The following CSMD1 variants were observed in gnomAD, a reference collection of about 807,000 sequenced individuals.
The protein encoded by CSMD1 is CUB and sushi domain-containing protein 1.
A neutral mutation model predicts 417.5 loss-of-function variants in CSMD1; 213 were observed. The observed-to-expected ratio is 0.51, with a 90% CI of 0.46 to 0.57. The LOEUF is 0.57. Among genes scored for constraint, CSMD1 ranks in the 20% least tolerant of loss-of-function variants. The pLI is 0.00. For synonymous variants in CSMD1, 2,862 were observed against 1,736.8 expected, an observed-to-expected ratio of 1.65 and a Z score of -16.11; for missense variants, 6,923 against 4,529.7, an observed-to-expected ratio of 1.53 and a Z score of -15.17.
intron 22 of CSMD1, among the ~76,000 whole-genome samples, chr8:3,347,313 G>A (rs1267176014): frequency 1.3e-5 from 2 of 152,178 alleles, no homozygotes; most frequent in Non-Finnish European, 2.9e-5. Context: ...AATACTTACA[G>A]GAGAGGTGAA....
intron 11 of CSMD1, among the ~76,000 whole-genome samples, chr8:3,473,362 A>T (rs1303502221): frequency 6.6e-6 from 1 of 152,212 alleles, no homozygotes; most frequent in African/African-American, 2.4e-5. Context: ...AAGAACTGTA[A>T]TTACAGCTTA....
At chr8:3,465,831 T>G (rs2117174789) in intron 12 of CSMD1, among the ~76,000 whole-genome samples, 1 of 152,226 alleles carries the variant, frequency 6.6e-6, no homozygotes, top group African/African-American at 2.4e-5. Context: ...TTGTCTAGGG[T>G]TTGTAGTCTG....
chr8:3,228,467 C>T (rs781682478), intron 27 of CSMD1, among the ~76,000 whole-genome samples: 1 of 152,206 alleles, frequency 6.6e-6, no homozygotes, highest in South Asian at 2.1e-4. Context: ...GGTCTGGTTG[C>T]CAAAATAATT....
intron 2 of CSMD1, among the ~76,000 whole-genome samples, chr8:4,466,144 A>C (rs187062713): frequency 6.6e-6 from 1 of 152,174 alleles, no homozygotes; most frequent in Non-Finnish European, 1.5e-5. Context: ...AGAATGAAAT[A>C]TTGTGAGAGA....
intron 10 of CSMD1, among the ~76,000 whole-genome samples, chr8:3,540,842 G>T (rs540268989): frequency 6.6e-6 from 1 of 152,118 alleles, no homozygotes; most frequent in Non-Finnish European, 1.5e-5. Flanking sequence ...ATCATTTCAT[G>T]CCAGTCAGAT....
At chr8:4,710,504 A>T (rs911194595) in intron 1 of CSMD1, among the ~76,000 whole-genome samples, 1 of 148,730 alleles carries the variant, frequency 6.7e-6, no homozygotes, top group Non-Finnish European at 1.5e-5. Flanking sequence ...CTCTCAAATT[A>T]CATTGAGTAA....
intron 12 of CSMD1, among the ~76,000 whole-genome samples, chr8:3,413,363 A>G (rs1456260727): frequency 6.6e-6 from 1 of 152,152 alleles, no homozygotes; most frequent in Non-Finnish European, 1.5e-5. Flanking sequence ...CATGCTGAGG[A>G]TCAAGAGAGA....
intron 5 of CSMD1, among the ~76,000 whole-genome samples, chr8:3,888,141 A>C (rs181713448): frequency 3.3e-5 from 5 of 152,200 alleles, no homozygotes; most frequent in Non-Finnish European, 4.4e-5. Context: ...GATAACTAAC[A>C]TCATTTGTAT....
chr8:3,929,251 T>C (rs994072814), intron 5 of CSMD1, among the ~76,000 whole-genome samples: 3 of 150,552 alleles, frequency 2.0e-5, no homozygotes, highest in East Asian at 1.9e-4. Flanking sequence ...TATACACATA[T>C]GGACAGGATG....
chr8:3,819,447 G>A (rs1347294070), intron 5 of CSMD1, among the ~76,000 whole-genome samples: 6 of 152,128 alleles, frequency 3.9e-5, no homozygotes, highest in Middle Eastern at 3.4e-3. Context: ...GAAGCTAGAA[G>A]TGCTTCCAAC....
rs577898265 is a variant in CSMD1, at chr8:3,075,159, C to T, written c.7474+11938G>A. Among the ~76,000 whole-genome samples, 13 of 152,300 alleles carry T rather than the reference C, an allele frequency of 8.5e-5. No individual in the cohort carries two copies. The South Asian group carries it at 2.7e-3, about 32-fold the overall frequency. Reference sequence around the variant, plus strand: ...CATGATTAGAAGTTTCCTGAGGCCTCCCCAGAAGCAGATGCTGCCATACTT... The same window carrying T: ...CATGATTAGAAGTTTCCTGAGGCCTTCCCAGAAGCAGATGCTGCCATACTT... On this transcript the variant is annotated intron_variant, in intron 49 of 69. Coordinates refer to ENST00000635120, the MANE Select transcript of CSMD1 (RefSeq NM_033225.6).
At chr8:4,520,931 T>C (rs1803411781) in intron 2 of CSMD1, among the ~76,000 whole-genome samples, 1 of 152,174 alleles carries the variant, frequency 6.6e-6, no homozygotes, top group Non-Finnish European at 1.5e-5. Context: ...TTATTAAAAT[T>C]AGTCATATCA....
chr8:3,013,305 G>T (rs76089697), intron 52 of CSMD1, among the ~76,000 whole-genome samples: 12,869 of 152,126 alleles, frequency 0.085, 596 homozygotes, highest in African/African-American at 0.13. Context: ...TGTCAGCATG[G>T]TCTTCATGCT....
At chr8:3,224,458 A>T (rs1296302013) in intron 27 of CSMD1, among the ~76,000 whole-genome samples, 1 of 152,206 alleles carries the variant, frequency 6.6e-6, no homozygotes, top group African/African-American at 2.4e-5. Context: ...GGCATTTCAC[A>T]TTCTCCCAGT....
chr8:4,730,037 G>A (rs1225607682), intron 1 of CSMD1, among the ~76,000 whole-genome samples: 3 of 152,074 alleles, frequency 2.0e-5, no homozygotes, highest in African/African-American at 7.2e-5. Context: ...CCATGTTAAT[G>A]TTTTAACTCC....
intron 30 of CSMD1, among the ~76,000 whole-genome samples, chr8:3,206,688 G>A (rs1563142475): frequency 6.7e-6 from 1 of 149,794 alleles, no homozygotes; most frequent in South Asian, 2.2e-4. Context: ...GTGTGTATAT[G>A]TGTGTGTGGG....
intron 3 of CSMD1, among the ~76,000 whole-genome samples, chr8:4,178,419 T>C (rs1310538778): frequency 6.6e-6 from 1 of 151,086 alleles, no homozygotes; most frequent in Non-Finnish European, 1.5e-5. Flanking sequence ...TAGGTATTGA[T>C]GGGACGTATC....
intron 6 of CSMD1, among the ~76,000 whole-genome samples, chr8:3,728,337 G>A (rs1268527046): frequency 6.6e-6 from 1 of 152,124 alleles, no homozygotes; most frequent in Non-Finnish European, 1.5e-5. Flanking sequence ...CCAGCCACGT[G>A]GAACTGGGAG....
intron 58 of CSMD1, 96 bp from the exon 59 acceptor site, chr8:2,966,050 A>C: frequency 8.9e-7 from 1 of 1,124,390 alleles, no homozygotes; most frequent in Non-Finnish European, 1.3e-6. Flanking sequence ...CTGAGTTGCT[A>C]TTCACAGTGG....
Sources: gnomAD v4.1 joint callset for allele counts (sites outside exome capture counted in the v4.1 genomes callset) on GRCh38, gnomAD v4.1.1 for gene constraint, MANE v1.5 for transcripts, NCBI Gene and HGNC (gene_info 2026-07-23, HGNC 2026-07-21) for gene names.